POLRMT: variants seen among roughly 807,000 people sequenced by gnomAD.
The protein encoded by POLRMT is RNA polymerase mitochondrial.
A neutral mutation model predicts 132.2 loss-of-function variants in POLRMT; 114 were observed. That is an observed-to-expected ratio of 0.86 (90% CI 0.74 to 1.01). POLRMT has a LOEUF of 1.01. Among genes scored for constraint, POLRMT ranks in the 50% least tolerant of loss-of-function variants. The pLI, the probability that POLRMT is intolerant of heterozygous loss-of-function variation, is 0.00. For synonymous variants in POLRMT, 1,020 were observed against 773.4 expected, an observed-to-expected ratio of 1.32 and a Z score of -5.29; for missense variants, 2,003 against 1,729.1, an observed-to-expected ratio of 1.16 and a Z score of -2.81.
In POLRMT at chr19:617,964, C is replaced by T. The variant is rs1377581720; in HGVS notation, c.3423-115G>A. The T allele has an allele frequency of 1.5e-5, 13 of 877,744 alleles. No individual in the cohort carries two copies. The Admixed American group carries it at 2.5e-4, about 17-fold the overall frequency. 54.4% of individuals were successfully genotyped at this position (877,744 alleles called of 1,614,324 possible). A position where few individuals can be genotyped will look rare whatever the true frequency, so the allele number is the denominator to read the frequency against. On this transcript the variant is annotated intron_variant, in intron 17 of 20. Coordinates refer to ENST00000588649, the MANE Select transcript of POLRMT (RefSeq NM_005035.4). ...CTTGAGGTCCAGGGAAGCCCACCCT[C>T]CTGCAGGCCTCGCCCCACCCCTCGC...
At chr19:628,443 G>T (rs746273224) in intron 3 of POLRMT, among the ~76,000 whole-genome samples, 1 of 152,190 alleles carries the variant, frequency 6.6e-6, no homozygotes, top group Non-Finnish European at 1.5e-5. Context: ...GGACTTCACC[G>T]CAAGACTGGC....
chr19:632,756 A>T, intron 2 of POLRMT, 78 bp downstream of exon 2: 1 of 1,283,204 alleles, frequency 7.8e-7, no homozygotes, highest in Admixed American at 2.4e-5. Flanking sequence ...CCTGTCTCAG[A>T]ATCTGAGCCT....
At chr19:631,792 A>G (rs573981670) in intron 2 of POLRMT, among the ~76,000 whole-genome samples, 8 of 152,244 alleles carry the variant, frequency 5.3e-5, no homozygotes, top group African/African-American at 1.7e-4. Context: ...CCCAGGCTAG[A>G]GTGCAATGGC....
At chr19:623,915 C>T (rs1013828287) in intron 5 of POLRMT, among the ~76,000 whole-genome samples, 3 of 152,182 alleles carry the variant, frequency 2.0e-5, no homozygotes, top group Non-Finnish European at 4.4e-5. Context: ...TGGCTGTTTT[C>T]TCCTCAAACT....
rs567341924 is a variant in POLRMT, at chr19:618,348, T to C, written c.3422+140A>G. On this transcript the variant is annotated intron_variant, in intron 17 of 20. Coordinates refer to ENST00000588649, the MANE Select transcript of POLRMT (RefSeq NM_005035.4). ...TCGGGGCACACAGCCTCAGGGCCTC[T>C]ACACAGGCCCCACAGACACAGCAGA... The C allele has an allele frequency of 3.9e-3, 2,698 of 684,032 alleles. 60 individuals are homozygous for C. The African/African-American group carries it at 0.041, about 10-fold the overall frequency. The allele number at this position is 684,032 out of a possible 1,614,324, so 42.4% of individuals were successfully genotyped here.
rs369432639 is a variant in POLRMT at position 619,712 on chromosome 19, C to T, written c.2940G>A (p.Val980=). ...DAQRGMRVAQ[V]LEGFITRKVV... The stretch of plus-strand genomic sequence containing the variant: ...CCTTGCGGGTGATGAAACCTTCCAG[C>T]ACCTGTGCCACCCGCATGCCCCGCT... Residue 980 remains valine, a synonymous_variant, in exon 13 of 21, where the codon GTG becomes GTA. Coordinates refer to ENST00000588649, the MANE Select transcript of POLRMT (RefSeq NM_005035.4). 5 of 1,605,650 alleles carry T rather than the reference C, an allele frequency of 3.1e-6. No individual in the cohort carries two copies. In the African/African-American group the frequency reaches 5.3e-5, roughly 17 times the overall value.
At chr19:622,799 G>C (rs934574969) in intron 7 of POLRMT, 22 bp downstream of exon 7, 62 of 1,573,820 alleles carry the variant, frequency 3.9e-5, no homozygotes, top group Non-Finnish European at 5.2e-5. Context: ...CCGGGGACCC[G>C]GCCGCGCGGA....
rs560275676 is a variant in POLRMT, at chr19:617,262, G to A, written c.*12C>T. 10 of 1,612,564 alleles carry A rather than the reference G, an allele frequency of 6.2e-6. No individual in the cohort carries two copies. The highest frequency in any genetic ancestry group is 4.0e-5 in the African/African-American group (3 of 75,036). On this transcript the variant is annotated 3_prime_UTR_variant, in exon 21 of 21. Transcript: ENST00000588649. ...AGAGCTTTATTTACACACTGACAAG[G>A]CTCACGGGGTGTCAGCTGAAGAAGT...
rs959158780 is a variant in POLRMT, at chr19:632,935, G to A, written c.92C>T (p.Thr31Ile). Residue 31 changes from threonine to isoleucine, a missense_variant, in exon 2 of 21, where the codon ACC (threonine) becomes ATC (isoleucine). Coordinates refer to ENST00000588649, the MANE Select transcript of POLRMT (RefSeq NM_005035.4). The part of the protein sequence containing the change: ...GRPGLPGKEG[T>I]AGGVCGPRRS... ...CCTGGGGCCGCAGACGCCACCGGCG[G>A]TCCCTGCGGGAAAGACGAGAGCGGC... 5.6e-5 allele frequency: 85 copies of A among 1,508,564 alleles called. No homozygotes were observed. The highest frequency in any genetic ancestry group is 7.2e-5 in the Non-Finnish European group (82 of 1,132,918). 93.4% of individuals were successfully genotyped at this position (1,508,564 alleles called of 1,614,324 possible).
intron 5 of POLRMT, among the ~76,000 whole-genome samples, chr19:624,506 G>A (rs1242220573): frequency 5.9e-5 from 9 of 151,902 alleles, no homozygotes; most frequent in African/African-American, 1.7e-4. Context: ...TGCGGCCCCC[G>A]ACCACCTCGT....
At chr19:618,650 A>G (rs1984219040) in intron 16 of POLRMT, 55 bp downstream of exon 16, 1 of 1,601,572 alleles carries the variant, frequency 6.2e-7, no homozygotes, top group Admixed American at 1.7e-5. Context: ...CGCTGTCTCC[A>G]CCGTGGCTGC....
chr19:632,822 G>C lies in POLRMT; in HGVS notation c.193+12C>G. The C allele has an allele frequency of 6.5e-7, 1 of 1,531,172 alleles. No individual in the cohort carries two copies. Among genetic ancestry groups the C allele is most frequent in the Middle Eastern group, 2.3e-4 (1 of 4,338 alleles). 94.8% of individuals were successfully genotyped at this position (1,531,172 alleles called of 1,614,324 possible). On this transcript the variant is annotated intron_variant, in intron 2 of 20. Coordinates refer to ENST00000588649, the MANE Select transcript of POLRMT (RefSeq NM_005035.4). ...CTCTCCTCTCCCGGGCCGCCGTGGG[G>C]GTCGCGCTCACCCTCCAGCAGCTCC...
At chr19:625,524 T>C (rs1184412391) in intron 3 of POLRMT, 2 of 418,934 alleles carry the variant, frequency 4.8e-6, no homozygotes, top group Admixed American at 8.1e-5. Flanking sequence ...GATTTGTCAA[T>C]TGTGTGGATC....
rs1984063914 is a variant in POLRMT at position 617,442 on chromosome 19, GTC to G, written c.3618_3619del (p.Glu1206AspfsTer?). On this transcript the variant is annotated frameshift_variant, in exon 20 of 21. Transcript: ENST00000588649. LOFTEE classifies it high-confidence loss of function. ...ACCTGGCTTGGGCACCGCCTGCAGTGTCTCCTTCAGCTGGCTGGCCTCCAAGA... is the reference window on the plus strand; with the variant it reads ...ACCTGGCTTGGGCACCGCCTGCAGTGTCCTTCAGCTGGCTGGCCTCCAAGA... 1 of 1,611,972 alleles carries G rather than the reference GTC, an allele frequency of 6.2e-7. No individual in the cohort carries two copies. The highest frequency in any genetic ancestry group is 8.5e-7 in the Non-Finnish European group (1 of 1,179,786).
chr19:626,783 G>T (rs1331906622), intron 3 of POLRMT, among the ~76,000 whole-genome samples: 1 of 150,768 alleles, frequency 6.6e-6, no homozygotes, highest in Non-Finnish European at 1.5e-5. Flanking sequence ...TCACTTGAAC[G>T]CAGAAAGCGG....
rs569741427 is a variant in POLRMT, at chr19:620,376, G to C, written c.2752C>G (p.Pro918Ala). ...SDPAAYVSHL[P>A]VHQDGSCNGL... Reference sequence around the variant, plus strand: ...CCCAGCTGGCTCACCTGATGGACGGGGAGGTGGGAGACATAGGCGGCAGGG... The same window carrying C: ...CCCAGCTGGCTCACCTGATGGACGGCGAGGTGGGAGACATAGGCGGCAGGG... Residue 918 changes from proline to alanine, a missense_variant, in exon 11 of 21, where the codon CCC becomes GCC. Transcript: ENST00000588649. The C allele has an allele frequency of 3.6e-5, 57 of 1,578,436 alleles. No homozygotes were observed. The South Asian group carries it at 6.1e-4, about 17-fold the overall frequency.
rs759336425 is a variant in POLRMT, at chr19:622,236, C to G, written c.1764G>C (p.Gln588His). The stretch of plus-strand genomic sequence containing the variant: ...GCGGCTTGTCCAGGCTGCATGGCAT[C>G]TGCGTAGCCTGCACCAGCATCTCCG... ...LLAEMLVQATQMPCSLDKPHR... is the reference protein window; with the variant it reads ...LLAEMLVQATHMPCSLDKPHR... Residue 588 changes from glutamine (Q) to histidine (H), a missense_variant, in exon 9 of 21, where the codon CAG (glutamine) becomes CAC (histidine). Physicochemically the swap from Gln to His is conservative, Grantham distance 24. Transcript: ENST00000588649. 12 of 1,560,100 alleles carry G rather than the reference C, an allele frequency of 7.7e-6. No individual in the cohort carries two copies. The highest frequency in any genetic ancestry group is 1.0e-5 in the Non-Finnish European group (12 of 1,154,508).
intron 11 of POLRMT, 42 bp downstream of exon 11, chr19:620,323 T>C (rs761946695): frequency 3.9e-5 from 59 of 1,521,520 alleles, no homozygotes; most frequent in Non-Finnish European, 5.1e-5. Context: ...CCAGGCCCAG[T>C]GCACACTGCA....
chr19:623,184 G>A (rs1455796564), intron 6 of POLRMT, among the ~76,000 whole-genome samples, 199 bp from the exon 7 acceptor site: 1 of 152,242 alleles, frequency 6.6e-6, no homozygotes, highest in East Asian at 1.9e-4. Context: ...AAGCCCAGCT[G>A]CAGTGTGCGC....
Sources: allele counts gnomAD v4.1 joint callset (sites outside exome capture counted in the v4.1 genomes callset), GRCh38; gene constraint gnomAD v4.1.1; transcripts MANE v1.5; gene names NCBI Gene and HGNC (gene_info 2026-07-23, HGNC 2026-07-21).